MFAP3L: variants seen among roughly 807,000 people sequenced by gnomAD.
The protein encoded by MFAP3L is microfibrillar-associated protein 3-like.
In MFAP3L, 5 loss-of-function variants were observed where a neutral mutation model predicts 20.0. The ratio of observed to expected loss-of-function variants is 0.25; its 90% CI spans 0.13 to 0.53. MFAP3L has a LOEUF of 0.53. MFAP3L is among the 20% of genes least tolerant of loss of function. The pLI is 0.96. For missense variants in MFAP3L, 409 were observed against 527.5 expected (o/e 0.78, Z 2.20); for synonymous variants, 219 against 213.0 (o/e 1.03, Z -0.25).
At position 170,026,392 on chromosome 4, in the gene MFAP3L, G is replaced by C. The variant is rs1351982586; in HGVS notation, c.-292C>G. The C allele has an allele frequency of 1.5e-6, 1 of 671,286 alleles. No individual in the cohort carries two copies. The highest frequency in any genetic ancestry group is 1.8e-6 in the Non-Finnish European group (1 of 544,194). The allele number at this position is 671,286 out of a possible 1,614,324, so 41.6% of individuals were successfully genotyped here. A position where few individuals can be genotyped will look rare whatever the true frequency, so the allele number is the denominator to read the frequency against. Reference sequence around the variant, plus strand: ...TCACAGCGTTGCGAGCTGCGCCGCCGGCTGCCGGGAGCGCGGAGCTTCCCA... The same window carrying C: ...TCACAGCGTTGCGAGCTGCGCCGCCCGCTGCCGGGAGCGCGGAGCTTCCCA... On this transcript the variant is annotated 5_prime_UTR_variant, in exon 1 of 3. Transcript: ENST00000361618.
chr4:170,010,804 A>AT (rs989564343), intron 1 of MFAP3L, among the ~76,000 whole-genome samples: 4 of 125,480 alleles, frequency 3.2e-5, no homozygotes, highest in Admixed American at 1.5e-4. Flanking sequence ...TTCCCACTGC[A>AT]TTGCGGGGGG....
chr4:170,026,908 C>T (rs1350191979), upstream of MFAP3L: 1 of 152,246 alleles, frequency 6.6e-6, no homozygotes, highest in Non-Finnish European at 1.5e-5. Context: ...ACCTTGCTTC[C>T]GAAAGCTTCT....
chr4:169,987,868 C>G lies in MFAP3L; in HGVS notation c.*3510G>C, dbSNP rs1737382565. The G allele has an allele frequency of 6.6e-6, 1 of 152,140 alleles. No homozygotes were observed. The highest frequency in any genetic ancestry group is 1.5e-5 in the Non-Finnish European group (1 of 68,020). The allele number at this position is 152,140 out of a possible 1,614,324, so 9.4% of individuals were successfully genotyped here. ...TTCCATCACATTGCTTTCTTGTTAT[C>G]TCACATTTGCCCTTCAAAACAAAGT... On this transcript the variant is annotated 3_prime_UTR_variant, in exon 3 of 3. Transcript: ENST00000361618.
chr4:169,991,309 C>G lies in MFAP3L; in HGVS notation c.*69G>C. ...TCCTGGTAAGGCTTAGCGGCAAGTG[C>G]GTACTACATCTGTATTACAAGGAGC... On this transcript the variant is annotated 3_prime_UTR_variant, in exon 3 of 3. Transcript: ENST00000361618. The surrounding 1 kb of genome is among the most constrained non-coding windows in gnomAD (Gnocchi z 4.9). The G allele has an allele frequency of 6.8e-7, 1 of 1,468,860 alleles. No homozygotes were observed. Among genetic ancestry groups the G allele is most frequent in the Non-Finnish European group, 9.2e-7 (1 of 1,081,182 alleles). 91.0% of individuals were successfully genotyped at this position (1,468,860 alleles called of 1,614,324 possible).
chr4:170,012,396 T>C (rs930968017), intron 1 of MFAP3L, among the ~76,000 whole-genome samples: 12 of 152,214 alleles, frequency 7.9e-5, no homozygotes, highest in Non-Finnish European at 1.8e-4. Flanking sequence ...TGGCTGGCAC[T>C]GTCAGTAGAA....
intron 1 of MFAP3L, among the ~76,000 whole-genome samples, chr4:170,015,714 C>T (rs749489573): frequency 6.6e-6 from 1 of 152,186 alleles, no homozygotes. Context: ...GAAGACGGGC[C>T]GGTCCTCTTG....
In MFAP3L at chr4:169,991,474, T is replaced by C. The variant is rs760193902; in HGVS notation, c.1134A>G (p.Val378=). Residue 378 remains valine, a synonymous_variant, in exon 3 of 3, where the codon GTA becomes GTG. Coordinates refer to ENST00000361618, the MANE Select transcript of MFAP3L (RefSeq NM_021647.8). This position sits in a 1 kb window ranked among gnomAD's most constrained non-coding sequence, Gnocchi z 4.9. ...LTSEEPTPVE[V]PDKVLPPAYL... is the part of the protein sequence containing the mutation. ...AAGCTGGCGGCAGTACCTTATCTGG[T>C]ACCTCAACAGGTGTTGGCTCTTCAG... 4 of 1,614,028 alleles carry C rather than the reference T, an allele frequency of 2.5e-6. No homozygotes were observed. In the African/African-American group the frequency reaches 4.0e-5, roughly 16 times the overall value.
Position 170,005,919 on chromosome 4 carries a change from C to T in MFAP3L, c.-42G>A. On this transcript the variant is annotated 5_prime_UTR_variant, in exon 2 of 3. Transcript: ENST00000361618. ...GTAAGGCAATAGAGAGATGGTTTGC[C>T]AACCGAATCTTCTATCAGACAACAC... The T allele has an allele frequency of 6.3e-7, 1 of 1,584,568 alleles. No individual in the cohort carries two copies. Among genetic ancestry groups the T allele is most frequent in the Non-Finnish European group, 8.6e-7 (1 of 1,162,962 alleles).
chr4:170,026,300 G>GCTGCGCCGCACT lies in MFAP3L; in HGVS notation c.-212_-201dup, dbSNP rs971808035. 9.2e-6 allele frequency: 9 copies of GCTGCGCCGCACT among 983,576 alleles called. No homozygotes were observed. Among genetic ancestry groups the GCTGCGCCGCACT allele is most frequent in the Non-Finnish European group, 1.1e-5 (9 of 829,072 alleles). 60.9% of individuals were successfully genotyped at this position (983,576 alleles called of 1,614,324 possible). On this transcript the variant is annotated 5_prime_UTR_variant, in exon 1 of 3. Transcript: ENST00000361618. The stretch of plus-strand genomic sequence containing the variant: ...CGCCATGGCCAGCCCGACAGCGGCC[G>GCTGCGCCGCACT]CTGCGCCGCACTCTGCGCCGGACGC...
intron 1 of MFAP3L, among the ~76,000 whole-genome samples, chr4:170,015,709 C>T (rs778023472): frequency 1.3e-5 from 2 of 152,188 alleles, no homozygotes; most frequent in African/African-American, 2.4e-5. Context: ...ATATGGAAGA[C>T]GGGCCGGTCC....
At chr4:170,024,686 C>A (rs1377086211) in intron 1 of MFAP3L, among the ~76,000 whole-genome samples, 1 of 152,160 alleles carries the variant, frequency 6.6e-6, no homozygotes, top group African/African-American at 2.4e-5. Flanking sequence ...AAATGGTAAT[C>A]ATGTTGTTGC....
chr4:170,007,441 G>T lies in MFAP3L; in HGVS notation c.-133-1431C>A, dbSNP rs562628620. ...TCAGGTTTGAGAGAGACCAGGCCAGGATTCTGGACATAACCACCTTCGCTG... is the reference window on the plus strand; with the variant it reads ...TCAGGTTTGAGAGAGACCAGGCCAGTATTCTGGACATAACCACCTTCGCTG... On this transcript the variant is annotated intron_variant, in intron 1 of 2. Coordinates refer to ENST00000361618, the MANE Select transcript of MFAP3L (RefSeq NM_021647.8). 1.1e-3 allele frequency among the ~76,000 whole-genome samples: 169 copies of T among 152,316 alleles called. 1 individual carries two copies. The highest frequency in any genetic ancestry group is 3.9e-3 in the African/African-American group (161 of 41,574).
At chr4:170,025,133 C>A (rs1400614938) in intron 1 of MFAP3L, among the ~76,000 whole-genome samples, 1 of 152,220 alleles carries the variant, frequency 6.6e-6, no homozygotes, top group African/African-American at 2.4e-5. Flanking sequence ...AGAAACCACA[C>A]TGGGACCTAC....
Position 169,991,882 on chromosome 4 carries a change from A to T in MFAP3L, c.726T>A (p.Pro242=), listed in dbSNP as rs1560963737. Residue 242 remains proline, a synonymous_variant, in exon 3 of 3, where the codon CCT becomes CCA. Coordinates refer to ENST00000361618, the MANE Select transcript of MFAP3L (RefSeq NM_021647.8). This position sits in a 1 kb window ranked among gnomAD's most constrained non-coding sequence, Gnocchi z 4.9. ...RYIEELARSV[P]LPPLIMNCRT... is the part of the protein sequence containing the mutation. ...TGCAGTTCATAATGAGAGGCGGCAG[A>T]GGCACGCTCCTGGCAAGCTCTTCGA... The T allele has an allele frequency of 6.2e-7, 1 of 1,614,114 alleles. No individual in the cohort carries two copies. The highest frequency in any genetic ancestry group is 1.7e-5 in the Admixed American group (1 of 60,022).
At chr4:170,021,698 A>T (rs1415901732) in intron 1 of MFAP3L, among the ~76,000 whole-genome samples, 1 of 152,254 alleles carries the variant, frequency 6.6e-6, no homozygotes, top group East Asian at 1.9e-4. Context: ...AGAGATGTCA[A>T]TTTAACCAAG....
intron 1 of MFAP3L, among the ~76,000 whole-genome samples, chr4:170,020,270 C>T (rs748392828): frequency 1.3e-5 from 2 of 152,152 alleles, no homozygotes; most frequent in Non-Finnish European, 2.9e-5. Context: ...ACTATAAAGA[C>T]ATTGTTTAAA....
At chr4:170,026,775 T>C (rs1730470779), upstream of MFAP3L, 1 of 152,258 alleles carries the variant, frequency 6.6e-6, no homozygotes, top group Admixed American at 6.5e-5. Flanking sequence ...ATCGCACGCG[T>C]GTTCAAGGAC....
chr4:169,991,914 G>C lies in MFAP3L; in HGVS notation c.694C>G (p.Arg232Gly). Reference sequence around the variant, plus strand: ...CTCCTGGCAAGCTCTTCGATGTAGCGGGCGAACTCCATGGTTTTGAACTGG... The same window carrying C: ...CTCCTGGCAAGCTCTTCGATGTAGCCGGCGAACTCCATGGTTTTGAACTGG... The part of the protein sequence containing the change: ...VTQFKTMEFA[R>G]YIEELARSVP... Residue 232 changes from arginine (R) to glycine (G), a missense_variant, in exon 3 of 3, where the codon CGC becomes GGC. Coordinates refer to ENST00000361618, the MANE Select transcript of MFAP3L (RefSeq NM_021647.8). This position sits in a 1 kb window ranked among gnomAD's most constrained non-coding sequence, Gnocchi z 4.9. 6.2e-7 allele frequency: 1 copy of C among 1,614,156 alleles called. No individual in the cohort carries two copies. Among genetic ancestry groups the C allele is most frequent in the Non-Finnish European group, 8.5e-7 (1 of 1,180,026 alleles).
Position 169,994,070 on chromosome 4 carries a change from T to C in MFAP3L, c.299-1761A>G, listed in dbSNP as rs556913033. 3,981 of 678,830 alleles carry C rather than the reference T, an allele frequency of 5.9e-3. 13 individuals are homozygous for C. The highest frequency in any genetic ancestry group is 6.8e-3 in the Non-Finnish European group (3,763 of 550,134). The allele number at this position is 678,830 out of a possible 1,614,324, so 42.1% of individuals were successfully genotyped here. ...ATTTTCTTATAATTTGCATGTCTTA[T>C]AAAAGTAGACTACAGCAGGCATGGA... On this transcript the variant is annotated intron_variant, in intron 2 of 2. Coordinates refer to ENST00000361618, the MANE Select transcript of MFAP3L (RefSeq NM_021647.8).
Sources: gnomAD v4.1 joint callset for allele counts (sites outside exome capture counted in the v4.1 genomes callset) on GRCh38, gnomAD v4.1.1 for gene constraint, Gnocchi (gnomAD v3.1) non-coding constraint, MANE v1.5 for transcripts, NCBI Gene and HGNC (gene_info 2026-07-23, HGNC 2026-07-21) for gene names.